Variants in MTCL2 observed in about 807,000 individuals in gnomAD.
MTCL2 encodes microtubule cross-linking factor 2.
the MTCL2 span, chr20:36,829,240 G>A: frequency 6.3e-7 from 1 of 1,584,322 alleles, no homozygotes; most frequent in Non-Finnish European, 8.6e-7. Flanking sequence ...AGAGAAGGAT[G>A]TGAGCAGGCT....
chr20:36,793,921 G>T, the MTCL2 span: 1 of 1,551,292 alleles, frequency 6.4e-7, no homozygotes, highest in Non-Finnish European at 8.7e-7. The surrounding 1 kb of genome is among the most constrained non-coding windows in gnomAD (Gnocchi z 6.8). Context: ...GCAGGCCCAC[G>T]CTGACCGTGC....
chr20:36,793,592 C>T, the MTCL2 span: 2 of 1,551,560 alleles, frequency 1.3e-6, no homozygotes, highest in East Asian at 2.4e-5. This position sits in a 1 kb window ranked among gnomAD's most constrained non-coding sequence, Gnocchi z 6.8. Context: ...CTCCACCACA[C>T]TGAAGAGGCT....
chr20:36,781,741 A>G, the MTCL2 span: 2 of 151,668 alleles, frequency 1.3e-5, no homozygotes, highest in Non-Finnish European at 2.9e-5. Context: ...ATAAATCTAA[A>G]AAAACTTAAA....
chr20:36,808,281 G>A, the MTCL2 span, among the ~76,000 whole-genome samples: 4 of 151,350 alleles, frequency 2.6e-5, no homozygotes, highest in South Asian at 2.1e-4. Flanking sequence ...GCTTGAACCC[G>A]GGAGATGGAG....
chr20:36,804,963 G>C, the MTCL2 span: 1 of 1,575,970 alleles, frequency 6.3e-7, no homozygotes, highest in East Asian at 2.3e-5. Context: ...GGGAACCTGG[G>C]TTCAGAGAAC....
chr20:36,796,088 A>G, the MTCL2 span, among the ~76,000 whole-genome samples: 1 of 152,102 alleles, frequency 6.6e-6, no homozygotes. Context: ...CAAATAAACC[A>G]TTTGCACTTA....
At chr20:36,824,885 C>A in the MTCL2 span, among the ~76,000 whole-genome samples, 1 of 151,728 alleles carries the variant, frequency 6.6e-6, no homozygotes, top group Admixed American at 6.6e-5. Flanking sequence ...AACTCCTGGG[C>A]TCAAGCAATC....
At chr20:36,792,422 T>C in the MTCL2 span, among the ~76,000 whole-genome samples, 1 of 152,020 alleles carries the variant, frequency 6.6e-6, no homozygotes, top group African/African-American at 2.4e-5. Flanking sequence ...ACAGAATTGT[T>C]TGAACCCAGG....
the MTCL2 span, chr20:36,816,146 G>C: frequency 5.0e-6 from 8 of 1,613,682 alleles, no homozygotes; most frequent in East Asian, 2.2e-5. Context: ...CCAGCTCCTC[G>C]GCTGACAGCG....
the MTCL2 span, among the ~76,000 whole-genome samples, chr20:36,845,204 GC>G: frequency 1.3e-5 from 2 of 152,194 alleles, no homozygotes; most frequent in Admixed American, 1.3e-4. Context: ...CCTAGGGTGA[GC>G]CCCCCAAGGG....
At chr20:36,842,373 T>A in the MTCL2 span, among the ~76,000 whole-genome samples, 15 of 151,962 alleles carry the variant, frequency 9.9e-5, no homozygotes, top group South Asian at 2.1e-4. Context: ...GCAGAAGAAA[T>A]GCATAATTAT....
chr20:36,836,085 A>G, the MTCL2 span, among the ~76,000 whole-genome samples: 1 of 16,656 alleles, frequency 6.0e-5, no homozygotes, highest in African/African-American at 2.4e-4. Context: ...ACCACCCCCC[A>G]CCCCTCCCAA....
At chr20:36,816,124 G>A in the MTCL2 span, 3 of 1,613,570 alleles carry the variant, frequency 1.9e-6, no homozygotes, top group African/African-American at 2.7e-5. Flanking sequence ...TCCCGCGAGT[G>A]GGGGGCATCG....
At chr20:36,849,277 G>A in the MTCL2 span, among the ~76,000 whole-genome samples, 1 of 151,574 alleles carries the variant, frequency 6.6e-6, no homozygotes, top group Non-Finnish European at 1.5e-5. Context: ...AGACAGTCTG[G>A]TCTTGAACTC....
the MTCL2 span, chr20:36,809,905 T>A: frequency 6.6e-7 from 1 of 1,516,944 alleles, no homozygotes; most frequent in African/African-American, 1.4e-5. Flanking sequence ...AGAGGGCCCA[T>A]AGATCCTCAA....
chr20:36,778,118 G>A, the MTCL2 span: 2 of 345,166 alleles, frequency 5.8e-6, no homozygotes, highest in Non-Finnish European at 1.0e-5. Context: ...AGCAGGAGCA[G>A]GGAAACAAAC....
chr20:36,777,651 G>A, the MTCL2 span: 4 of 488,208 alleles, frequency 8.2e-6, no homozygotes, highest in Admixed American at 1.7e-4. Context: ...GGACAAGAGA[G>A]GTGGACAGTT....
At chr20:36,841,890 T>G in the MTCL2 span, among the ~76,000 whole-genome samples, 16 of 149,892 alleles carry the variant, frequency 1.1e-4, no homozygotes, top group Admixed American at 6.0e-4. Context: ...TGTGTGTGTG[T>G]GTGTGTGTGT....
the MTCL2 span, among the ~76,000 whole-genome samples, chr20:36,855,969 G>GA: frequency 1.1e-4 from 16 of 152,162 alleles, no homozygotes; most frequent in Non-Finnish European, 1.9e-4. Context: ...CAGGGCTGCA[G>GA]ACACATAAAA....
Sources: allele counts gnomAD v4.1 joint callset (sites outside exome capture counted in the v4.1 genomes callset), GRCh38; gene constraint gnomAD v4.1.1; non-coding constraint Gnocchi (gnomAD v3.1); transcripts MANE v1.5; gene names NCBI Gene and HGNC (gene_info 2026-07-23, HGNC 2026-07-21).